Variants in GLRA2 observed in about 807,000 individuals in gnomAD.
GLRA2 encodes glycine receptor alpha 2, also known as glycine receptor subunit alpha-2.
A neutral mutation model predicts 31.6 loss-of-function variants in GLRA2; 11 were observed. The observed-to-expected ratio is 0.35, with a 90% CI of 0.22 to 0.58. The LOEUF (loss-of-function observed/expected upper bound fraction) is 0.58, where lower values mean the gene tolerates loss of function less well. GLRA2 is among the 20% of genes least tolerant of loss of function. GLRA2 has a pLI of 0.84. For missense variants in GLRA2, 212 were observed against 351.8 expected (o/e 0.60, Z 3.18); for synonymous variants, 132 against 134.0 (o/e 0.99, Z 0.10).
At chrX:14,625,903 G>GA (rs762135177) in intron 7 of GLRA2, among the ~76,000 whole-genome samples, 4 of 111,683 alleles carry the variant, frequency 3.6e-5, no homozygotes, top group Admixed American at 1.9e-4. Context: ...TATAGATGAG[G>GA]ATACTAAGGC....
At chrX:14,606,155 T>TA (rs35835313) in intron 5 of GLRA2, among the ~76,000 whole-genome samples, 5,769 of 88,735 alleles carry the variant, frequency 0.065, 248 homozygotes, top group African/African-American at 0.13. Flanking sequence ...TCCATAAACT[T>TA]AAAAAAAAAA....
chrX:14,602,249 G>C (rs2090283410), intron 4 of GLRA2, among the ~76,000 whole-genome samples: 2 of 111,450 alleles, frequency 1.8e-5, no homozygotes, highest in Non-Finnish European at 3.8e-5. Flanking sequence ...CCTGATATAA[G>C]GATCAGCCAG....
chrX:14,615,019 T>C (rs146229729), intron 7 of GLRA2, among the ~76,000 whole-genome samples: 2 of 112,249 alleles, frequency 1.8e-5, no homozygotes, highest in Admixed American at 1.9e-4. Flanking sequence ...GTATCTGGCA[T>C]GTATATGTGC....
In GLRA2 at chrX:14,607,297, T is replaced by C. The variant is rs774317933; in HGVS notation, c.715+29T>C. 32 of 1,023,901 alleles carry C rather than the reference T, an allele frequency of 3.1e-5. No homozygotes were observed. The South Asian group carries it at 6.7e-4, about 22-fold the overall frequency. The allele number at this position is 1,023,901 out of a possible 1,213,427, so 84.4% of individuals were successfully genotyped here. On this transcript the variant is annotated intron_variant, in intron 6 of 8. Coordinates refer to ENST00000218075, the MANE Select transcript of GLRA2 (RefSeq NM_002063.4). ...AGTTTCTTTTTTTTTTTTTTTCAGCTGTTAAACACAAGTGAGCGCCATTTG... is the reference window on the plus strand; with the variant it reads ...AGTTTCTTTTTTTTTTTTTTTCAGCCGTTAAACACAAGTGAGCGCCATTTG...
At chrX:14,728,611 A>T (rs988354754) in intron 8 of GLRA2, among the ~76,000 whole-genome samples, 1 of 111,880 alleles carries the variant, frequency 8.9e-6, no homozygotes, top group African/African-American at 3.3e-5. Context: ...GCCAGGTTGC[A>T]ATGGAATGTT....
chrX:14,555,172 G>A (rs903028287), intron 2 of GLRA2, among the ~76,000 whole-genome samples: 4 of 111,856 alleles, frequency 3.6e-5, no homozygotes, highest in African/African-American at 1.3e-4. Flanking sequence ...CTTGAGAAAA[G>A]TACATCTGAT....
rs368812932 is a variant in GLRA2 at position 14,602,352 on chromosome X, GTTGTTTGT to G, written c.495-1932_495-1925del. 5.1e-3 allele frequency among the ~76,000 whole-genome samples: 528 copies of G among 104,245 alleles called. 3 individuals carry two copies. Among genetic ancestry groups the G allele is most frequent in the East Asian group, 8.5e-3 (29 of 3,404 alleles). 90.5% of individuals were successfully genotyped at this position (104,245 alleles called of 115,157 possible). A position where few individuals can be genotyped will look rare whatever the true frequency, so the allele number is the denominator to read the frequency against. ...GAGAGCTGAAGACTATGTACAAACC[GTTGTTTGT>G]TTGTTTGTTTGTTTGTTTGTTTGTT... is the stretch of plus-strand genomic sequence containing the variant. On this transcript the variant is annotated intron_variant, in intron 4 of 8. Coordinates refer to ENST00000218075, the MANE Select transcript of GLRA2 (RefSeq NM_002063.4).
intron 7 of GLRA2, among the ~76,000 whole-genome samples, chrX:14,673,044 G>A (rs1370154847): frequency 2.7e-5 from 3 of 111,257 alleles, no homozygotes; most frequent in Non-Finnish European, 3.8e-5. Flanking sequence ...GTCTGGGTCG[G>A]AAAGCTTCTC....
At chrX:14,533,864 G>A (rs2089289217) in intron 2 of GLRA2, among the ~76,000 whole-genome samples, 1 of 111,392 alleles carries the variant, frequency 9.0e-6, no homozygotes, top group Admixed American at 9.6e-5. Context: ...ATCACTACAG[G>A]ATTCCAAGAA....
At chrX:14,682,388 A>G (rs1227229890) in intron 7 of GLRA2, among the ~76,000 whole-genome samples, 1 of 111,438 alleles carries the variant, frequency 9.0e-6, no homozygotes, top group Admixed American at 9.5e-5. Flanking sequence ...GGTGATCTTA[A>G]AAATAATAAT....
the GLRA2 span, among the ~76,000 whole-genome samples, chrX:14,513,665 T>A: frequency 2.8e-4 from 31 of 111,477 alleles, no homozygotes; most frequent in African/African-American, 9.8e-4. Context: ...TATGAAAAAA[T>A]GCTCAACATC....
the GLRA2 span, among the ~76,000 whole-genome samples, chrX:14,455,684 C>T: frequency 9.0e-6 from 1 of 111,701 alleles, no homozygotes; most frequent in Non-Finnish European, 1.9e-5. Context: ...AATATATTTA[C>T]TCAAATTAAA....
the GLRA2 span, among the ~76,000 whole-genome samples, chrX:14,465,666 A>C: frequency 1.1e-4 from 12 of 112,279 alleles, no homozygotes; most frequent in South Asian, 4.4e-3. Context: ...CAGTTTCTCA[A>C]GTGTCCTCTA....
chrX:14,479,128 CA>C, the GLRA2 span, among the ~76,000 whole-genome samples: 5 of 109,587 alleles, frequency 4.6e-5, no homozygotes, highest in African/African-American at 1.7e-4. Context: ...AAAAAAAAGG[CA>C]AGTGGAGAAT....
At chrX:14,633,240 A>G (rs2090671596) in intron 7 of GLRA2, among the ~76,000 whole-genome samples, 1 of 112,146 alleles carries the variant, frequency 8.9e-6, no homozygotes, top group South Asian at 3.7e-4. Flanking sequence ...TCACGCCTAT[A>G]ATCCCAGCAC....
chrX:14,537,705 T>C (rs2089344424), intron 2 of GLRA2, among the ~76,000 whole-genome samples: 1 of 110,997 alleles, frequency 9.0e-6, no homozygotes, highest in African/African-American at 3.3e-5. Context: ...TTTTACTCCA[T>C]AATTTGAATG....
chrX:14,652,329 G>C (rs1356602220), intron 7 of GLRA2, among the ~76,000 whole-genome samples: 3 of 111,429 alleles, frequency 2.7e-5, no homozygotes, highest in Non-Finnish European at 5.6e-5. Context: ...AATCATCCTG[G>C]TGTCCTTGAC....
chrX:14,537,027 T>A (rs1335410205), intron 2 of GLRA2, among the ~76,000 whole-genome samples: 2 of 111,179 alleles, frequency 1.8e-5, no homozygotes, highest in African/African-American at 6.5e-5. Flanking sequence ...GCAATTACTC[T>A]TGGCTAAATA....
chrX:14,468,129 G>A, the GLRA2 span, among the ~76,000 whole-genome samples: 8 of 111,827 alleles, frequency 7.2e-5, no homozygotes, highest in Admixed American at 6.7e-4. Flanking sequence ...GGAAAAATTG[G>A]CATCTCTTCA....
Sources: gnomAD v4.1 joint callset for allele counts (sites outside exome capture counted in the v4.1 genomes callset) on GRCh38, gnomAD v4.1.1 for gene constraint, MANE v1.5 for transcripts, NCBI Gene and HGNC (gene_info 2026-07-23, HGNC 2026-07-21) for gene names.